The following C1QTNF7 variants were observed in gnomAD, a reference collection of about 807,000 sequenced individuals.
The protein encoded by C1QTNF7 is C1q and TNF related 7.
In C1QTNF7, 15 loss-of-function variants were observed where a neutral mutation model predicts 19.6. The observed-to-expected ratio is 0.76, with a 90% CI of 0.51 to 1.18. C1QTNF7 has a LOEUF of 1.18. C1QTNF7 is among the 50% of genes most tolerant of loss of function. The probability of loss-of-function intolerance (pLI) is 0.00; values close to 1 mark genes in which losing one functional copy is unlikely to be tolerated. For missense variants in C1QTNF7, 324 were observed against 359.7 expected (o/e 0.90, Z 0.80); for synonymous variants, 142 against 137.5 (o/e 1.03, Z -0.23).
chr4:15,384,024 G>A (rs1718242273), intron 1 of C1QTNF7, among the ~76,000 whole-genome samples: 1 of 152,252 alleles, frequency 6.6e-6, no homozygotes, highest in South Asian at 2.1e-4. Context: ...CACCCAGGTG[G>A]AGGACTTGGT....
intron 1 of C1QTNF7, among the ~76,000 whole-genome samples, chr4:15,342,461 G>A (rs1716579670): frequency 6.6e-6 from 1 of 152,174 alleles, no homozygotes; most frequent in Non-Finnish European, 1.5e-5. Context: ...CTCTTTGAAC[G>A]TGTCCTTGAC....
At chr4:15,424,180 A>T (rs1577275476), upstream of C1QTNF7, among the ~76,000 whole-genome samples, 2 of 152,198 alleles carry the variant, frequency 1.3e-5, no homozygotes, top group Admixed American at 6.5e-5. Context: ...GATATTAAAA[A>T]GACAAATCTC....
chr4:15,401,228 G>GAGACC lies in C1QTNF7; in HGVS notation c.14-34506_14-34502dup, dbSNP rs1201613824. Among the ~76,000 whole-genome samples, 8 of 152,124 alleles carry GAGACC rather than the reference G, an allele frequency of 5.3e-5. 1 individual carries two copies. The highest frequency in any genetic ancestry group is 2.6e-4 in the Admixed American group (4 of 15,264). On this transcript the variant is annotated intron_variant, in intron 1 of 2. Transcript: ENST00000295297. ...TTGTGTAGGGATAGTCTCTGATGAG[G>GAGACC]AGACCATGTCTGGGGTGGAAAGGAA...
chr4:15,387,039 A>C (rs1054316353), intron 1 of C1QTNF7, among the ~76,000 whole-genome samples: 1 of 152,164 alleles, frequency 6.6e-6, no homozygotes, highest in African/African-American at 2.4e-5. Flanking sequence ...GACAGCGTTG[A>C]AAGGAAGGAA....
chr4:15,355,420 A>T (rs1157235579), intron 1 of C1QTNF7, among the ~76,000 whole-genome samples: 1 of 152,278 alleles, frequency 6.6e-6, no homozygotes, highest in Middle Eastern at 3.4e-3. Flanking sequence ...TTAAACCTCA[A>T]ACTAAGCAGC....
At chr4:15,398,145 T>C (rs1345625705) in intron 1 of C1QTNF7, among the ~76,000 whole-genome samples, 2 of 152,204 alleles carry the variant, frequency 1.3e-5, no homozygotes, top group African/African-American at 4.8e-5. Context: ...GTTGCTGTGT[T>C]TGGCTCCAGC....
At chr4:15,424,527 C>G (rs544311124), upstream of C1QTNF7, among the ~76,000 whole-genome samples, 29 of 152,224 alleles carry the variant, frequency 1.9e-4, no homozygotes, top group African/African-American at 7.0e-4. Context: ...AGTGATACAC[C>G]CAGTGACTTC....
At chr4:15,378,748 T>C (rs1718036477) in intron 1 of C1QTNF7, among the ~76,000 whole-genome samples, 1 of 152,164 alleles carries the variant, frequency 6.6e-6, no homozygotes, top group Non-Finnish European at 1.5e-5. Context: ...CAGAAGTCAG[T>C]CAATCCAACA....
At position 15,444,649 on chromosome 4, in the gene C1QTNF7, A is replaced by T. The variant is rs1712926652; in HGVS notation, c.*1850A>T. On this transcript the variant is annotated 3_prime_UTR_variant, in exon 3 of 3. Transcript: ENST00000444304. The stretch of plus-strand genomic sequence containing the variant: ...GATGAGAAAATGATAAAATATGCTA[A>T]GTTCTAGGCTGGAAATAAGGGCAAA... 1 of 152,238 alleles carries T rather than the reference A, an allele frequency of 6.6e-6. No individual in the cohort carries two copies. Among genetic ancestry groups the T allele is most frequent in the Non-Finnish European group, 1.5e-5 (1 of 68,054 alleles). The allele number at this position is 152,238 out of a possible 1,614,324, so 9.4% of individuals were successfully genotyped here. A position where few individuals can be genotyped will look rare whatever the true frequency, so the allele number is the denominator to read the frequency against.
intron 1 of C1QTNF7, among the ~76,000 whole-genome samples, chr4:15,376,998 G>C (rs2108887750): frequency 6.6e-6 from 1 of 152,316 alleles, no homozygotes; most frequent in South Asian, 2.1e-4. Flanking sequence ...TTGGGGAAGA[G>C]TGAAATAAAT....
intron 1 of C1QTNF7, chr4:15,358,557 G>A (rs1717227531): frequency 6.6e-6 from 1 of 152,144 alleles, no homozygotes; most frequent in Non-Finnish European, 1.5e-5. Context: ...GTCTCTGCCA[G>A]GTTTTGGTAT....
In C1QTNF7 at chr4:15,444,387, C is replaced by A. The variant is rs13104095; in HGVS notation, c.*1588C>A. 1 of 151,764 alleles carries A rather than the reference C, an allele frequency of 6.6e-6. No homozygotes were observed. Among genetic ancestry groups the A allele is most frequent in the Non-Finnish European group, 1.5e-5 (1 of 67,946 alleles). The allele number at this position is 151,764 out of a possible 1,614,324, so 9.4% of individuals were successfully genotyped here. On this transcript the variant is annotated 3_prime_UTR_variant, in exon 3 of 3. Transcript: ENST00000444304. ...ACTTGGGGAGGGCGGAAACATCACA[C>A]ACAAGGTTTCCACTTCACACTTGGA...
At chr4:15,433,453 A>T (rs1187713059) in intron 1 of C1QTNF7, among the ~76,000 whole-genome samples, 2 of 152,170 alleles carry the variant, frequency 1.3e-5, no homozygotes, top group Non-Finnish European at 2.9e-5. Flanking sequence ...GTTCCCTCCC[A>T]GGATATGTAT....
intron 1 of C1QTNF7, among the ~76,000 whole-genome samples, chr4:15,401,696 A>T (rs921676400): frequency 5.3e-5 from 8 of 152,232 alleles, no homozygotes; most frequent in Non-Finnish European, 1.0e-4. Context: ...TTAAAAACGA[A>T]ATAGAAATGA....
At chr4:15,408,377 C>T (rs1269529536) in intron 1 of C1QTNF7, among the ~76,000 whole-genome samples, 1 of 149,394 alleles carries the variant, frequency 6.7e-6, no homozygotes, top group Non-Finnish European at 1.5e-5. Flanking sequence ...ATACAGTGTT[C>T]AAATAACTCA....
chr4:15,350,275 A>AAGGAAGGG (rs1716880414), intron 1 of C1QTNF7, among the ~76,000 whole-genome samples: 1 of 37,550 alleles, frequency 2.7e-5, no homozygotes, highest in Non-Finnish European at 7.7e-5. Context: ...GGGAGGAAAG[A>AAGGAAGGG]AGGAAGGAAG....
chr4:15,425,847 AGTGT>A (rs1184327569), upstream of C1QTNF7, among the ~76,000 whole-genome samples: 3 of 151,672 alleles, frequency 2.0e-5, no homozygotes, highest in Admixed American at 2.0e-4. Context: ...ATGGTGTGTG[AGTGT>A]GTGTGTATGT....
intron 1 of C1QTNF7, among the ~76,000 whole-genome samples, chr4:15,415,328 A>G (rs868326103): frequency 3.3e-5 from 5 of 152,216 alleles, no homozygotes; most frequent in Admixed American, 1.3e-4. Flanking sequence ...GAAATATTCA[A>G]AGACACTCTT....
At chr4:15,366,946 AT>A (rs1717547699) in intron 1 of C1QTNF7, among the ~76,000 whole-genome samples, 1 of 152,174 alleles carries the variant, frequency 6.6e-6, no homozygotes, top group South Asian at 2.1e-4. Context: ...AAACTAAGAG[AT>A]TGGAAATTCA....
Sources: allele counts gnomAD v4.1 joint callset (sites outside exome capture counted in the v4.1 genomes callset), GRCh38; gene constraint gnomAD v4.1.1; transcripts MANE v1.5; gene names NCBI Gene and HGNC (gene_info 2026-07-23, HGNC 2026-07-21).